ZFR: variants seen among roughly 807,000 people sequenced by gnomAD.
The protein encoded by ZFR is zinc finger RNA-binding protein.
A neutral mutation model predicts 130.7 loss-of-function variants in ZFR; 19 were observed. The observed-to-expected ratio is 0.15, with a 90% CI of 0.10 to 0.21. ZFR has a LOEUF of 0.21. ZFR is among the 10% of genes least tolerant of loss of function. The pLI is 1.00. For missense variants in ZFR, 872 were observed against 1,321.5 expected (o/e 0.66, Z 5.27); for synonymous variants, 466 against 456.9 (o/e 1.02, Z -0.25).
At chr5:32,385,794 G>A (rs950999273) in intron 14 of ZFR, 145 bp from the exon 15 acceptor site, 17 of 734,530 alleles carry the variant, frequency 2.3e-5, no homozygotes, top group Middle Eastern at 4.0e-4. Flanking sequence ...AGGAAGCCCT[G>A]CCGTACATGC....
intron 6 of ZFR, among the ~76,000 whole-genome samples, chr5:32,405,189 G>C (rs1753550204): frequency 6.6e-6 from 1 of 152,152 alleles, no homozygotes; most frequent in Non-Finnish European, 1.5e-5. Flanking sequence ...CAAGCAGTCT[G>C]AGCCTCAATT....
intron 2 of ZFR, among the ~76,000 whole-genome samples, chr5:32,441,531 A>T (rs1754473827): frequency 6.6e-6 from 1 of 151,810 alleles, no homozygotes; most frequent in South Asian, 2.1e-4. Context: ...AAAAAAAAAA[A>T]CTGCATATGT....
chr5:32,443,946 G>A (rs1456161437), intron 2 of ZFR, among the ~76,000 whole-genome samples: 2 of 152,136 alleles, frequency 1.3e-5, no homozygotes, highest in African/African-American at 4.8e-5. Flanking sequence ...GGCCATTTTA[G>A]TTAAGGGGCC....
At position 32,384,672 on chromosome 5, in the gene ZFR, A is replaced by G. The variant is rs186706940; in HGVS notation, c.2641+836T>C. Reference sequence around the variant, plus strand: ...ATAAAAACATGAAAGGAAACAAAGTAAATTTTATCTGACCCATAAAACAAC... The same window carrying G: ...ATAAAAACATGAAAGGAAACAAAGTGAATTTTATCTGACCCATAAAACAAC... On this transcript the variant is annotated intron_variant, in intron 15 of 19. Transcript: ENST00000265069. Among the ~76,000 whole-genome samples the G allele has an allele frequency of 6.6e-5, 10 of 152,338 alleles. No homozygotes were observed. In the East Asian group the frequency reaches 1.9e-3, roughly 29 times the overall value.
chr5:32,415,139 T>C lies in ZFR; in HGVS notation c.614A>G (p.Gln205Arg). Reference protein sequence around the residue: ...SQGATQYTQAQQTRQVTAIKP... With the variant: ...SQGATQYTQARQTRQVTAIKP... ...TATGGCTGTCACTTGTCGAGTTTGC[T>C]GGGCTTGAGTATACTGAGTTGCACC... Residue 205 changes from glutamine (Q) to arginine (R), a missense_variant, in exon 5 of 20, where the codon CAG becomes CGG. Physicochemically the swap from Gln to Arg is conservative, Grantham distance 43. This residue lies in a region of ZFR where 240 missense variants were observed against 441.2 expected (regional missense o/e 0.54). Coordinates refer to ENST00000265069, the MANE Select transcript of ZFR (RefSeq NM_016107.5). The C allele has an allele frequency of 6.2e-7, 1 of 1,614,112 alleles. No individual in the cohort carries two copies. The highest frequency in any genetic ancestry group is 8.5e-7 in the Non-Finnish European group (1 of 1,180,008).
At chr5:32,385,892 G>C (rs1753035407) in intron 14 of ZFR, among the ~76,000 whole-genome samples, 2 of 151,930 alleles carry the variant, frequency 1.3e-5, no homozygotes, top group African/African-American at 2.4e-5. Flanking sequence ...TTTGTACATA[G>C]GTCTATCTCT....
At chr5:32,367,637 C>T (rs768980542) in intron 17 of ZFR, among the ~76,000 whole-genome samples, 21 of 152,014 alleles carry the variant, frequency 1.4e-4, no homozygotes, top group Non-Finnish European at 2.6e-4. Context: ...TGGTCTTGAA[C>T]TCCTGGGCTC....
chr5:32,375,821 T>C (rs770119350), intron 17 of ZFR, among the ~76,000 whole-genome samples: 7 of 150,802 alleles, frequency 4.6e-5, no homozygotes, highest in Non-Finnish European at 1.0e-4. Flanking sequence ...TGATCTTTCA[T>C]CTATCGATTT....
intron 17 of ZFR, among the ~76,000 whole-genome samples, chr5:32,367,186 C>T (rs1752565495): frequency 6.6e-6 from 1 of 152,074 alleles, no homozygotes; most frequent in South Asian, 2.1e-4. Context: ...GTAATCCCAG[C>T]ACTTTGGGAG....
At chr5:32,375,759 G>A (rs147301626) in intron 17 of ZFR, among the ~76,000 whole-genome samples, 1,883 of 152,160 alleles carry the variant, frequency 0.012, 31 homozygotes, top group African/African-American at 0.042. Flanking sequence ...CTCCTGCCTC[G>A]GGCCTCTCAA....
intron 11 of ZFR, chr5:32,394,535 T>C (rs1753253348): frequency 6.2e-6 from 1 of 160,252 alleles, no homozygotes; most frequent in Admixed American, 6.5e-5. Context: ...AGGTTAGAGG[T>C]TGTCCAGGGC....
intron 2 of ZFR, among the ~76,000 whole-genome samples, chr5:32,426,996 C>CA (rs1318903953): frequency 2.0e-5 from 3 of 150,846 alleles, no homozygotes; most frequent in Non-Finnish European, 4.4e-5. Flanking sequence ...AAACACTCCA[C>CA]AAAAAACTGT....
At chr5:32,408,167 G>A (rs1375496959) in intron 5 of ZFR, among the ~76,000 whole-genome samples, 2 of 151,782 alleles carry the variant, frequency 1.3e-5, no homozygotes, top group Admixed American at 1.3e-4. Flanking sequence ...GATTTTTATG[G>A]TTAAATTTGA....
intron 19 of ZFR, among the ~76,000 whole-genome samples, chr5:32,361,467 T>C (rs1160900276): frequency 2.6e-5 from 4 of 152,202 alleles, no homozygotes; most frequent in African/African-American, 2.4e-5. Flanking sequence ...TAATTCTTTA[T>C]TCAGAGAGAC....
At chr5:32,395,923 C>T (rs1561887801) in intron 10 of ZFR, among the ~76,000 whole-genome samples, 1 of 152,016 alleles carries the variant, frequency 6.6e-6, no homozygotes, top group African/African-American at 2.4e-5. Flanking sequence ...CATTAGTAGG[C>T]TTTTAGAAGT....
At chr5:32,442,095 T>C (rs1289221410) in intron 2 of ZFR, among the ~76,000 whole-genome samples, 1 of 152,246 alleles carries the variant, frequency 6.6e-6, no homozygotes, top group Non-Finnish European at 1.5e-5. Context: ...TAGGTCTGCA[T>C]TTAGGAAAAA....
chr5:32,411,657 C>CCAG (rs1411588299), intron 5 of ZFR, among the ~76,000 whole-genome samples: 49 of 132,636 alleles, frequency 3.7e-4, no homozygotes, highest in African/African-American at 1.2e-3. Context: ...CCACTGCACC[C>CCAG]CAGCCTGGGC....
chr5:32,444,062 G>A (rs1475102196), intron 2 of ZFR, among the ~76,000 whole-genome samples, 167 bp downstream of exon 2: 3 of 52,772 alleles, frequency 5.7e-5, no homozygotes, highest in Admixed American at 2.1e-4. Context: ...GGGCAAGGCG[G>A]GGCGGGGCGG....
chr5:32,439,586 C>T (rs1422278255), intron 2 of ZFR, among the ~76,000 whole-genome samples: 1 of 152,024 alleles, frequency 6.6e-6, no homozygotes, highest in East Asian at 1.9e-4. Flanking sequence ...TAGTCAAAAT[C>T]CACTTACTGC....
Sources: gnomAD v4.1 joint callset for allele counts (sites outside exome capture counted in the v4.1 genomes callset) on GRCh38, gnomAD v4.1.1 for gene constraint, gnomAD v4.1.1 regional missense constraint, MANE v1.5 for transcripts, NCBI Gene and HGNC (gene_info 2026-07-23, HGNC 2026-07-21) for gene names.